Variants in ST18 observed in about 807,000 individuals in gnomAD.
ST18 encodes the protein suppression of tumorigenicity 18 protein.
Under a neutral mutation model 110.0 loss-of-function variants are expected in ST18, and 50 were observed. The observed-to-expected ratio is 0.45, with a 90% CI of 0.36 to 0.58. ST18 has a LOEUF of 0.58. Ranked by LOEUF, ST18 falls within the 20% of genes least tolerant of loss-of-function variation. The probability of loss-of-function intolerance (pLI) is 0.00; values close to 1 mark genes in which losing one functional copy is unlikely to be tolerated. For missense variants in ST18, 1,306 were observed against 1,280.1 expected (o/e 1.02, Z -0.31); for synonymous variants, 461 against 452.4 (o/e 1.02, Z -0.24).
At chr8:52,283,830 G>C (rs62499815) in intron 2 of ST18, among the ~76,000 whole-genome samples, 1 of 152,126 alleles carries the variant, frequency 6.6e-6, no homozygotes, top group South Asian at 2.1e-4. Flanking sequence ...AATTTCTTTG[G>C]TAAAATTTCG....
At chr8:52,117,604 A>G (rs141934992) in intron 24 of ST18, among the ~76,000 whole-genome samples, 1 of 152,312 alleles carries the variant, frequency 6.6e-6, no homozygotes, top group East Asian at 1.9e-4. Context: ...TGGGTAAGGA[A>G]ACCTAAATTT....
At chr8:52,122,863 A>T (rs1283958304) in intron 23 of ST18, among the ~76,000 whole-genome samples, 7 of 152,164 alleles carry the variant, frequency 4.6e-5, no homozygotes, top group Admixed American at 1.3e-4. Context: ...GAGTTAATGT[A>T]AATTTGGCTA....
At chr8:52,346,160 A>ATTTAT (rs1554839167) in intron 2 of ST18, among the ~76,000 whole-genome samples, 2 of 150,976 alleles carry the variant, frequency 1.3e-5, no homozygotes, top group African/African-American at 4.8e-5. Context: ...CATATGTAAA[A>ATTTAT]TTTATTTTAT....
At chr8:52,394,184 C>T (rs577790725) in intron 2 of ST18, among the ~76,000 whole-genome samples, 1 of 152,286 alleles carries the variant, frequency 6.6e-6, no homozygotes, top group Non-Finnish European at 1.5e-5. Context: ...GAGGAGCCAT[C>T]CCAAGTTGTC....
At chr8:52,136,331 G>T (rs2052262728) in intron 19 of ST18, among the ~76,000 whole-genome samples, 1 of 152,152 alleles carries the variant, frequency 6.6e-6, no homozygotes, top group South Asian at 2.1e-4. Flanking sequence ...ACAGAAAAAA[G>T]TATTGTGTTA....
rs545604372 is a variant in ST18, at chr8:52,321,001, T to C, written c.-465+88327A>G. ...TGGCTAACTTACCTTTGACATCATG[T>C]TTTAAAATGTTTACATTCAGTAAAC... On this transcript the variant is annotated intron_variant, in intron 2 of 25. Coordinates refer to ENST00000689386, the MANE Select transcript of ST18 (RefSeq NM_001352837.2). Among the ~76,000 whole-genome samples the C allele has an allele frequency of 3.9e-5, 6 of 152,324 alleles. No individual in the cohort carries two copies. In the South Asian group the frequency reaches 1.2e-3, roughly 32 times the overall value.
At chr8:52,278,412 A>C (rs900315284) in intron 2 of ST18, among the ~76,000 whole-genome samples, 1 of 152,224 alleles carries the variant, frequency 6.6e-6, no homozygotes, top group Non-Finnish European at 1.5e-5. Flanking sequence ...GTGAGGAAGA[A>C]AGGAAGCTGA....
At chr8:52,201,937 A>G in intron 8 of ST18, among the ~76,000 whole-genome samples, 1 of 152,224 alleles carries the variant, frequency 6.6e-6, no homozygotes, top group East Asian at 1.9e-4. Context: ...TTGATAAAAT[A>G]TACTTATAAA....
intron 2 of ST18, among the ~76,000 whole-genome samples, chr8:52,379,544 T>G (rs1473046923): frequency 6.6e-6 from 1 of 151,990 alleles, no homozygotes; most frequent in Non-Finnish European, 1.5e-5. Flanking sequence ...ATTACACAAT[T>G]TTGGGGACTT....
intron 23 of ST18, among the ~76,000 whole-genome samples, chr8:52,121,158 T>C (rs947415131): frequency 6.6e-6 from 1 of 152,176 alleles, no homozygotes; most frequent in Admixed American, 6.5e-5. Flanking sequence ...TATGTTTCGC[T>C]GAGGGCCAAT....
chr8:52,274,290 A>G (rs1053340013), intron 2 of ST18, among the ~76,000 whole-genome samples: 3 of 152,186 alleles, frequency 2.0e-5, no homozygotes, highest in African/African-American at 7.2e-5. Context: ...AAAATACATC[A>G]AAAAAGGTTA....
In ST18 at chr8:52,161,451, A is replaced by G. The variant is rs552544552; in HGVS notation, c.1518T>C (p.Ser506=). The G allele has an allele frequency of 3.1e-6, 5 of 1,614,132 alleles. No individual in the cohort carries two copies. In the East Asian group the frequency reaches 1.1e-4, roughly 36 times the overall value. The change falls in exon 14 of 26, where the codon AGT becomes AGC. Residue 506 remains serine (S), a synonymous_variant. Transcript: ENST00000689386. ...GTTTACCGAAAACTTGGGCATCAAA[A>G]CTGGCATAATCAAATGGTACTTTTC... ...KFGKVPFDYA[S]FDAQVFGKRP...
At chr8:52,186,249 T>G (rs1217064024) in intron 8 of ST18, among the ~76,000 whole-genome samples, 1 of 152,174 alleles carries the variant, frequency 6.6e-6, no homozygotes, top group Non-Finnish European at 1.5e-5. Context: ...GACTGCCAAT[T>G]TTAAACCTAG....
At chr8:52,174,299 C>G (rs968328442) in intron 9 of ST18, among the ~76,000 whole-genome samples, 1 of 152,142 alleles carries the variant, frequency 6.6e-6, no homozygotes, top group Non-Finnish European at 1.5e-5. Flanking sequence ...TTCTCAATAT[C>G]ACAGTTGGCT....
intron 8 of ST18, among the ~76,000 whole-genome samples, chr8:52,189,273 AG>A (rs776003739): frequency 2.6e-5 from 4 of 152,206 alleles, no homozygotes; most frequent in African/African-American, 7.2e-5. Context: ...TGGATCCTGA[AG>A]GTGCTGGATC....
chr8:52,263,594 G>A (rs1400596776), intron 2 of ST18, among the ~76,000 whole-genome samples: 1 of 146,384 alleles, frequency 6.8e-6, no homozygotes, highest in Non-Finnish European at 1.5e-5. Context: ...ATAATATCAT[G>A]TAGTTTTTTT....
chr8:52,144,709 G>A (rs771732384), intron 16 of ST18, among the ~76,000 whole-genome samples: 1 of 152,066 alleles, frequency 6.6e-6, no homozygotes, highest in Non-Finnish European at 1.5e-5. Flanking sequence ...AAAAAGACAG[G>A]ATTTTAAAAT....
chr8:52,130,070 G>GA (rs2048633098), intron 22 of ST18, among the ~76,000 whole-genome samples: 1 of 139,968 alleles, frequency 7.1e-6, no homozygotes, highest in African/African-American at 2.7e-5. Context: ...GAAAGAGAGA[G>GA]AGAGAGAGAG....
In ST18 at chr8:52,112,927, CA is replaced by C. The variant is rs3834880; in HGVS notation, c.*270del. On this transcript the variant is annotated 3_prime_UTR_variant, in exon 26 of 26. Transcript: ENST00000689386. Reference sequence around the variant, plus strand: ...TCACATTTATTTTACATATACTTTACAAAAAAAAAAAGAGTACAATGAAGAA... The same window carrying C: ...TCACATTTATTTTACATATACTTTACAAAAAAAAAAGAGTACAATGAAGAA... 0.025 allele frequency: 5,906 copies of C among 234,282 alleles called. 57 individuals carry two copies. Among genetic ancestry groups the C allele is most frequent in the East Asian group, 0.046 (619 of 13,410 alleles). 14.5% of individuals were successfully genotyped at this position (234,282 alleles called of 1,614,324 possible).
Sources: gnomAD v4.1 joint callset for allele counts (sites outside exome capture counted in the v4.1 genomes callset) on GRCh38, gnomAD v4.1.1 for gene constraint, MANE v1.5 for transcripts, NCBI Gene and HGNC (gene_info 2026-07-23, HGNC 2026-07-21) for gene names.